ANKHD1: variants seen among roughly 807,000 people sequenced by gnomAD.
The protein encoded by ANKHD1 is ankyrin repeat and KH domain containing 1.
In ANKHD1, 31 loss-of-function variants were observed where a neutral mutation model predicts 230.5. That is an observed-to-expected ratio of 0.13 (90% CI 0.10 to 0.18). The LOEUF (loss-of-function observed/expected upper bound fraction) is 0.18. ANKHD1 is among the 10% of genes least tolerant of loss of function. The pLI is 1.00. For synonymous variants in ANKHD1, 1,074 were observed against 1,117.6 expected, an observed-to-expected ratio of 0.96 and a Z score of 0.78; for missense variants, 2,256 against 3,071.3, an observed-to-expected ratio of 0.73 and a Z score of 6.27.
intron 25 of ANKHD1, among the ~76,000 whole-genome samples, chr5:140,525,471 C>T (rs897551400): frequency 1.3e-5 from 2 of 152,106 alleles, no homozygotes; most frequent in African/African-American, 4.8e-5. Context: ...CCATGTTGCC[C>T]AGGAGATCTT....
chr5:140,407,665 C>T (rs538724268), intron 1 of ANKHD1, among the ~76,000 whole-genome samples: 1 of 152,186 alleles, frequency 6.6e-6, no homozygotes, highest in South Asian at 2.1e-4. Flanking sequence ...GCAGAGATTA[C>T]AAGTTGTAAG....
intron 10 of ANKHD1, among the ~76,000 whole-genome samples, chr5:140,477,362 AT>A (rs1248730138): frequency 1.3e-5 from 2 of 152,212 alleles, no homozygotes; most frequent in African/African-American, 4.8e-5. Flanking sequence ...ACATAAAATG[AT>A]TGTTAAAAAT....
chr5:140,499,736 T>C (rs957125289), intron 15 of ANKHD1, among the ~76,000 whole-genome samples: 26 of 152,288 alleles, frequency 1.7e-4, no homozygotes, highest in African/African-American at 6.3e-4. Flanking sequence ...AAAGTGAGCA[T>C]TGGGTTTTTA....
chr5:140,430,675 A>T (rs1429568284), intron 1 of ANKHD1, among the ~76,000 whole-genome samples: 2 of 138,956 alleles, frequency 1.4e-5, no homozygotes, highest in African/African-American at 2.7e-5. Flanking sequence ...TTTTTTTGAC[A>T]GAGTCTCACT....
intron 29 of ANKHD1, among the ~76,000 whole-genome samples, chr5:140,532,497 G>A (rs1012516352): frequency 5.9e-5 from 9 of 151,922 alleles, no homozygotes; most frequent in Admixed American, 2.6e-4. Context: ...GTGTAGTGGC[G>A]TGATCATGGC....
At chr5:140,438,810 G>C (rs1003673771) in intron 3 of ANKHD1, among the ~76,000 whole-genome samples, 193 bp downstream of exon 3, 6 of 152,126 alleles carry the variant, frequency 3.9e-5, no homozygotes, top group African/African-American at 1.2e-4. Flanking sequence ...TCTTCATTCA[G>C]CTCTTATTCG....
chr5:140,513,792 G>A (rs1330155827), intron 24 of ANKHD1, among the ~76,000 whole-genome samples: 1 of 141,814 alleles, frequency 7.1e-6, no homozygotes, highest in African/African-American at 2.6e-5. Flanking sequence ...CTGGCTGACA[G>A]AGCGAGACTG....
intron 22 of ANKHD1, among the ~76,000 whole-genome samples, chr5:140,512,184 C>T (rs553883552): frequency 6.8e-6 from 1 of 147,118 alleles, no homozygotes; most frequent in Non-Finnish European, 1.5e-5. Context: ...TGCAGTGAGA[C>T]AAGAGCGTGC....
rs145301659 is a variant in ANKHD1, at chr5:140,497,016, G to T, written c.2742G>T (p.Gln914His). 23 of 1,614,074 alleles carry T rather than the reference G, an allele frequency of 1.4e-5. No individual in the cohort carries two copies. The African/African-American group carries it at 2.8e-4, about 20-fold the overall frequency. ...ATAATGATGTTGATGATGAGCAACAGTCTCCACCATCGGCAGAACAGATTG... is the reference window on the plus strand; with the variant it reads ...ATAATGATGTTGATGATGAGCAACATTCTCCACCATCGGCAGAACAGATTG... ...FKDNDVDDEQ[Q>H]SPPSAEQIDF... The change falls in exon 15 of 34, where the codon CAG (glutamine) becomes CAT (histidine). Residue 914 changes from glutamine to histidine, a missense_variant. Around this residue, in one of 13 missense-constraint regions of ANKHD1, gnomAD observed 358 missense variants for 397.7 expected, o/e 0.90. Transcript: ENST00000360839.
intron 23 of ANKHD1, 111 bp downstream of exon 23, chr5:140,513,034 C>T: frequency 9.5e-7 from 1 of 1,055,078 alleles, no homozygotes; most frequent in Non-Finnish European, 1.4e-6. Flanking sequence ...GTCACCTGAT[C>T]TCTTTATGCG....
chr5:140,436,484 G>T (rs1032818974), intron 2 of ANKHD1, among the ~76,000 whole-genome samples: 3 of 152,066 alleles, frequency 2.0e-5, no homozygotes, highest in African/African-American at 7.2e-5. Context: ...AGTGGCTCAC[G>T]CCTGTAATCC....
intron 9 of ANKHD1, among the ~76,000 whole-genome samples, chr5:140,463,446 G>A (rs1775861631): frequency 6.6e-6 from 1 of 152,104 alleles, no homozygotes; most frequent in African/African-American, 2.4e-5. Context: ...TCATTATTTA[G>A]TAAATGGTAC....
At chr5:140,539,156 G>A in intron 33 of ANKHD1, 73 bp downstream of exon 33, 1 of 1,535,148 alleles carries the variant, frequency 6.5e-7, no homozygotes, top group South Asian at 1.3e-5. Context: ...AGAAGTATAA[G>A]TACTGAATAT....
chr5:140,491,160 A>ATTTTTTTTTTT (rs1222038703), intron 14 of ANKHD1, among the ~76,000 whole-genome samples: 1 of 45,660 alleles, frequency 2.2e-5, no homozygotes, highest in Non-Finnish European at 3.6e-5. Flanking sequence ...ATATATATAT[A>ATTTTTTTTTTT]TTTTTTTTTT....
At chr5:140,409,922 A>G (rs574959680) in intron 1 of ANKHD1, among the ~76,000 whole-genome samples, 4 of 152,314 alleles carry the variant, frequency 2.6e-5, no homozygotes, top group Admixed American at 2.0e-4. Flanking sequence ...AAGACTTTAC[A>G]TATAAAATGA....
Position 140,529,122 on chromosome 5 carries a change from C to G in ANKHD1, c.6176C>G (p.Pro2059Arg), listed in dbSNP as rs201467662. 1.2e-6 allele frequency: 2 copies of G among 1,614,096 alleles called. No homozygotes were observed. Among genetic ancestry groups the G allele is most frequent in the East Asian group, 4.5e-5 (2 of 44,886 alleles). Reference protein sequence around the residue: ...NSCSSSASNTPGAPETHPSSS... With the variant: ...NSCSSSASNTRGAPETHPSSS... ...TGCAGTAGCTCTGCCAGCAACACCC[C>G]GGGAGCTCCAGAAACTCACCCATCC... is the stretch of plus-strand genomic sequence containing the variant. The change falls in exon 29 of 34, where the codon CCG (proline) becomes CGG (arginine). Residue 2059 changes from proline to arginine, a missense_variant. Transcript: ENST00000360839.
intron 6 of ANKHD1, among the ~76,000 whole-genome samples, chr5:140,447,526 A>G (rs1471647504): frequency 2.6e-5 from 4 of 152,178 alleles, no homozygotes; most frequent in South Asian, 2.1e-4. Context: ...TATTCTTACA[A>G]TGTAACTTTT....
chr5:140,496,789 C>T lies in ANKHD1; in HGVS notation c.2515C>T (p.Gln839Ter). The T allele has an allele frequency of 6.2e-7, 1 of 1,613,926 alleles. No homozygotes were observed. The highest frequency in any genetic ancestry group is 8.5e-7 in the Non-Finnish European group (1 of 1,179,994). The change falls in exon 15 of 34, where the codon CAG becomes TAG. Residue 839 changes from glutamine to a stop codon, truncating the protein, a stop_gained. Transcript: ENST00000360839. LOFTEE classifies it high-confidence loss of function. ...QKKKKILKEL[Q>*]KVERQLQMKT... ...GAAGAAGAAAATATTGAAAGAACTG[C>T]AGAAAGTGGAAAGGCAGTTGCAGAT...
intron 7 of ANKHD1, among the ~76,000 whole-genome samples, chr5:140,455,842 A>G (rs1775138342): frequency 6.6e-6 from 1 of 152,234 alleles, no homozygotes; most frequent in South Asian, 2.1e-4. Context: ...CCTATTCAAC[A>G]TAGTGTTGGA....
Sources: allele counts gnomAD v4.1 joint callset (sites outside exome capture counted in the v4.1 genomes callset), GRCh38; gene constraint gnomAD v4.1.1; regional missense constraint gnomAD v4.1.1; transcripts MANE v1.5; gene names NCBI Gene and HGNC (gene_info 2026-07-23, HGNC 2026-07-21).